The following DYNC1H1 variants were observed in gnomAD, a reference collection of about 807,000 sequenced individuals.
DYNC1H1 encodes dynein cytoplasmic 1 heavy chain 1.
In DYNC1H1, 51 loss-of-function variants were observed where a neutral mutation model predicts 527.1. The ratio of observed to expected loss-of-function variants is 0.10; its 90% confidence interval spans 0.08 to 0.12. DYNC1H1 has a LOEUF of 0.12. Ranked by LOEUF, DYNC1H1 falls within the 10% of genes least tolerant of loss-of-function variation. The pLI is 1.00. For synonymous variants in DYNC1H1, 2,189 were observed against 2,278.8 expected (o/e 0.96, Z 1.12); for missense variants, 2,771 against 5,971.8 (o/e 0.46, Z 17.66).
Position 102,011,168 on chromosome 14 carries a change from A to G in DYNC1H1, c.6618+216A>G, listed in dbSNP as rs2048254598. ...ACTTAACCTGAAAATTTTACATGAT[A>G]CAGTTCAATTTCTGAAAATGCTAAG... On this transcript the variant is annotated intron_variant, in intron 32 of 77. Coordinates refer to ENST00000360184, the MANE Select transcript of DYNC1H1 (RefSeq NM_001376.5). This position sits in a 1 kb window ranked among gnomAD's most constrained non-coding sequence, Gnocchi z 5.3. 2 of 605,096 alleles carry G rather than the reference A, an allele frequency of 3.3e-6. No individual in the cohort carries two copies. Among genetic ancestry groups the G allele is most frequent in the Non-Finnish European group, 5.9e-6 (2 of 338,946 alleles). 37.5% of individuals were successfully genotyped at this position (605,096 alleles called of 1,614,324 possible). A position where few individuals can be genotyped will look rare whatever the true frequency, so the allele number is the denominator to read the frequency against.
chr14:102,003,838 A>G (rs1412212047), intron 23 of DYNC1H1, among the ~76,000 whole-genome samples: 2 of 152,046 alleles, frequency 1.3e-5, no homozygotes, highest in Non-Finnish European at 1.5e-5. Flanking sequence ...TGGCTAGAGA[A>G]TCTCTTGAAT....
In DYNC1H1 at chr14:101,964,915, A is replaced by C; in HGVS notation, c.224A>C (p.His75Pro). The change falls in exon 1 of 78, where the codon CAC (histidine) becomes CCC (proline). Residue 75 changes from histidine to proline, a missense_variant. His to Pro is a moderately conservative substitution (Grantham distance 77, BLOSUM62 -2). Coordinates refer to ENST00000360184, the MANE Select transcript of DYNC1H1 (RefSeq NM_001376.5). This position sits in a 1 kb window ranked among gnomAD's most constrained non-coding sequence, Gnocchi z 5.5. Reference sequence around the variant, plus strand: ...AAGTTCCTTTCGGACCCGCAGGTCCACACGGTGCTGGTGGAGCGCTCCACG... The same window carrying C: ...AAGTTCCTTTCGGACCCGCAGGTCCCCACGGTGCTGGTGGAGCGCTCCACG... ...MRKFLSDPQVHTVLVERSTLK... is the reference protein window; with the variant it reads ...MRKFLSDPQVPTVLVERSTLK... 6 of 1,600,622 alleles carry C rather than the reference A, an allele frequency of 3.7e-6. No individual in the cohort carries two copies. Among genetic ancestry groups the C allele is most frequent in the Non-Finnish European group, 5.1e-6 (6 of 1,174,974 alleles).
Position 102,036,382 on chromosome 14 carries a change from G to A in DYNC1H1, c.10755-107G>A, listed in dbSNP as rs1263705566. On this transcript the variant is annotated intron_variant, in intron 56 of 77. Transcript: ENST00000360184. This position sits in a 1 kb window ranked among gnomAD's most constrained non-coding sequence, Gnocchi z 5.6. ...TCTCCGGAAACCACTCTCGGGTGGTGGTAACAGCCTATCAATCAGGGTCTC... is the reference window on the plus strand; with the variant it reads ...TCTCCGGAAACCACTCTCGGGTGGTAGTAACAGCCTATCAATCAGGGTCTC... 2 of 1,483,004 alleles carry A rather than the reference G, an allele frequency of 1.3e-6. No individual in the cohort carries two copies. The highest frequency in any genetic ancestry group is 1.9e-6 in the Non-Finnish European group (2 of 1,068,066). The allele number at this position is 1,483,004 out of a possible 1,614,324, so 91.9% of individuals were successfully genotyped here. A position where few individuals can be genotyped will look rare whatever the true frequency, so the allele number is the denominator to read the frequency against.
Position 102,020,151 on chromosome 14 carries a change from A to C in DYNC1H1, c.8507+95A>C. ...GGGTCTTTGCAGGGGTGGTCTGCCT[A>C]AGTTAGAGCCAGGTGGTGCCAGTGG... On this transcript the variant is annotated intron_variant, in intron 42 of 77. Coordinates refer to ENST00000360184, the MANE Select transcript of DYNC1H1 (RefSeq NM_001376.5). This position sits in a 1 kb window ranked among gnomAD's most constrained non-coding sequence, Gnocchi z 4.3. The C allele has an allele frequency of 9.2e-6, 14 of 1,521,078 alleles. No individual in the cohort carries two copies. The highest frequency in any genetic ancestry group is 1.2e-5 in the Non-Finnish European group (14 of 1,120,816). 94.2% of individuals were successfully genotyped at this position (1,521,078 alleles called of 1,614,324 possible).
rs574262086 is a variant in DYNC1H1 at position 101,989,296 on chromosome 14, G to A, written c.2868+444G>A. Among the ~76,000 whole-genome samples the A allele has an allele frequency of 1.2e-4, 19 of 152,318 alleles. No individual in the cohort carries two copies. In the East Asian group the frequency reaches 3.1e-3, roughly 25 times the overall value. ...ACTGCATGTAATCCACCAGAAGTCA[G>A]TGTTCAGACCATGACATTGAAACGT... On this transcript the variant is annotated intron_variant, in intron 10 of 77. Coordinates refer to ENST00000360184, the MANE Select transcript of DYNC1H1 (RefSeq NM_001376.5).
At chr14:102,043,109 C>T (rs779716358) in intron 69 of DYNC1H1, 2 of 347,954 alleles carry the variant, frequency 5.7e-6, no homozygotes, top group Non-Finnish European at 1.1e-5. Flanking sequence ...TGGTGAAACT[C>T]CGTCTCTACT....
chr14:102,004,239 G>A (rs536015682), intron 23 of DYNC1H1, among the ~76,000 whole-genome samples: 12 of 144,834 alleles, frequency 8.3e-5, no homozygotes, highest in Admixed American at 1.3e-4. Flanking sequence ...GCAAGACTCC[G>A]TCTCAAAAAT....
chr14:101,994,038 G>C, intron 11 of DYNC1H1, 146 bp from the exon 12 acceptor site: 1 of 1,089,528 alleles, frequency 9.2e-7, no homozygotes, highest in Middle Eastern at 2.1e-4. Context: ...CTGGTTACTT[G>C]TGGCCAGGGT....
intron 72 of DYNC1H1, 176 bp from the exon 73 acceptor site, chr14:102,047,641 G>GTGTGTATATATA: frequency 8.8e-5 from 28 of 316,718 alleles, no homozygotes; most frequent in African/African-American, 3.5e-4. Flanking sequence ...GTGTGTGTGT[G>GTGTGTATATATA]TATATATATA....
rs1408146607 is a variant in DYNC1H1, at chr14:102,018,469, T to A, written c.8196T>A (p.Pro2732=). The A allele has an allele frequency of 1.9e-6, 3 of 1,613,786 alleles. No individual in the cohort carries two copies. The highest frequency in any genetic ancestry group is 2.5e-6 in the Non-Finnish European group (3 of 1,180,022). Reference sequence around the variant, plus strand: ...TGCACAGGTTCCTGCGCCACGTGCCTGTCGTGTATGTGGATTACCCGGGCC... The same window carrying A: ...TGCACAGGTTCCTGCGCCACGTGCCAGTCGTGTATGTGGATTACCCGGGCC... ...PLSHRFLRHV[P]VVYVDYPGPA... is the part of the protein sequence containing the mutation. The change falls in exon 41 of 78, where the codon CCT becomes CCA. Residue 2732 remains proline, a synonymous_variant. Coordinates refer to ENST00000360184, the MANE Select transcript of DYNC1H1 (RefSeq NM_001376.5). This position sits in a 1 kb window ranked among gnomAD's most constrained non-coding sequence, Gnocchi z 5.2.
intron 1 of DYNC1H1, among the ~76,000 whole-genome samples, chr14:101,974,940 G>A (rs1007001689): frequency 9.2e-5 from 14 of 152,214 alleles, no homozygotes. Flanking sequence ...ACATTCATAA[G>A]TCAAACCCAG....
rs1295051356 is a variant in DYNC1H1, at chr14:102,011,641, A to G, written c.6619-234A>G. On this transcript the variant is annotated intron_variant, in intron 32 of 77. Coordinates refer to ENST00000360184, the MANE Select transcript of DYNC1H1 (RefSeq NM_001376.5). This position sits in a 1 kb window ranked among gnomAD's most constrained non-coding sequence, Gnocchi z 5.3. ...TAGATAGGCGCTTGTAAAGCCAGCT[A>G]CTTGGGAGAGTGAGGAAGGAGAATC... 3.6e-6 allele frequency: 2 copies of G among 548,046 alleles called. No homozygotes were observed. The highest frequency in any genetic ancestry group is 3.2e-5 in the East Asian group (1 of 30,906). 33.9% of individuals were successfully genotyped at this position (548,046 alleles called of 1,614,324 possible).
At position 101,983,592 on chromosome 14, in the gene DYNC1H1, A is replaced by C; in HGVS notation, c.1444A>C (p.Arg482=). The part of the protein sequence containing the change: ...QHEQLRAVIV[R]VLRPQVTAVA... The stretch of plus-strand genomic sequence containing the variant: ...TGAACAGCTAAGAGCTGTTATCGTC[A>C]GGGTCCTGAGGCCACAGGTAAGATT... Residue 482 remains arginine, a synonymous_variant, in exon 7 of 78, where the codon AGG becomes CGG. Transcript: ENST00000360184. The surrounding 1 kb of genome is among the most constrained non-coding windows in gnomAD (Gnocchi z 5.3). 6.2e-7 allele frequency: 1 copy of C among 1,614,118 alleles called. No individual in the cohort carries two copies. Among genetic ancestry groups the C allele is most frequent in the South Asian group, 1.1e-5 (1 of 91,070 alleles).
rs1890006026 is a variant in DYNC1H1, at chr14:102,022,482, G to A, written c.8508-269G>A. ...GATAGTGCCAGTGCACTCCAGCCTT[G>A]GCGACAGAGAGAGACTCCGTCTCAA... On this transcript the variant is annotated intron_variant, in intron 42 of 77. Coordinates refer to ENST00000360184, the MANE Select transcript of DYNC1H1 (RefSeq NM_001376.5). Among the ~76,000 whole-genome samples the A allele has an allele frequency of 1.3e-5, 2 of 150,668 alleles. 1 individual carries two copies. Among genetic ancestry groups the A allele is most frequent in the South Asian group, 4.2e-4 (2 of 4,764 alleles).
chr14:102,038,521 G>T lies in DYNC1H1; in HGVS notation c.10970G>T (p.Gly3657Val), dbSNP rs761427653. 1.9e-6 allele frequency: 3 copies of T among 1,614,172 alleles called. No homozygotes were observed. Among genetic ancestry groups the T allele is most frequent in the Non-Finnish European group, 2.5e-6 (3 of 1,180,018 alleles). The change falls in exon 58 of 78, where the codon GGG becomes GTG. Residue 3657 changes from glycine to valine, a missense_variant. Gly to Val is a moderately radical substitution (Grantham distance 109). Around this residue, in one of 32 missense-constraint regions of DYNC1H1, gnomAD observed 283 missense variants for 737.6 expected, o/e 0.38. Transcript: ENST00000360184. This position sits in a 1 kb window ranked among gnomAD's most constrained non-coding sequence, Gnocchi z 7.2. ...PVLNREVRRT[G>V]GRVLITLGDQ... ...CTGAACCGTGAAGTGCGGCGAACAG[G>T]GGGGAGAGTGCTGATCACTCTCGGG...
In DYNC1H1 at chr14:101,983,754, T is replaced by A. The variant is rs1015643962; in HGVS notation, c.1461+145T>A. ...GTGCAATGGCATGATCTTGGCTCAC[T>A]GCAACCTCCGCCTTCTGGGTTCAAG... On this transcript the variant is annotated intron_variant, in intron 7 of 77. Coordinates refer to ENST00000360184, the MANE Select transcript of DYNC1H1 (RefSeq NM_001376.5). The surrounding 1 kb of genome is among the most constrained non-coding windows in gnomAD (Gnocchi z 5.3). 5.4e-6 allele frequency: 5 copies of A among 932,202 alleles called. No individual in the cohort carries two copies. In the Admixed American group the frequency reaches 1.1e-4, roughly 21 times the overall value. The allele number at this position is 932,202 out of a possible 1,614,324, so 57.7% of individuals were successfully genotyped here.
At chr14:101,976,703 G>C (rs878932443) in intron 2 of DYNC1H1, among the ~76,000 whole-genome samples, 1 of 152,056 alleles carries the variant, frequency 6.6e-6, no homozygotes, top group African/African-American at 2.4e-5. Context: ...TCTATCTTCT[G>C]TTTGAGCTGT....
At position 102,033,505 on chromosome 14, in the gene DYNC1H1, C is replaced by G; in HGVS notation, c.10413+21C>G. On this transcript the variant is annotated intron_variant, in intron 54 of 77. Coordinates refer to ENST00000360184, the MANE Select transcript of DYNC1H1 (RefSeq NM_001376.5). This position sits in a 1 kb window ranked among gnomAD's most constrained non-coding sequence, Gnocchi z 5.6. ...CAAAAGTAAGATTATCATCATTGAT[C>G]CTCAGCCTTTCCTGCTGTGGAAGCA... The G allele has an allele frequency of 2.5e-6, 4 of 1,613,374 alleles. No individual in the cohort carries two copies. Among genetic ancestry groups the G allele is most frequent in the African/African-American group, 1.3e-5 (1 of 75,056 alleles).
chr14:101,999,435 G>A (rs532744615), intron 16 of DYNC1H1, among the ~76,000 whole-genome samples: 1 of 152,310 alleles, frequency 6.6e-6, no homozygotes, highest in Non-Finnish European at 1.5e-5. Flanking sequence ...TAGCCACCAC[G>A]TCCAGCCTAA....
Sources: allele counts gnomAD v4.1 joint callset (sites outside exome capture counted in the v4.1 genomes callset), GRCh38; gene constraint gnomAD v4.1.1; regional missense constraint gnomAD v4.1.1; non-coding constraint Gnocchi (gnomAD v3.1); transcripts MANE v1.5; gene names NCBI Gene and HGNC (gene_info 2026-07-23, HGNC 2026-07-21).